The following ERI3 variants were observed in gnomAD, a reference collection of about 807,000 sequenced individuals.
ERI3 encodes ERI1 exoribonuclease 3.
ERI3 carries 18 observed loss-of-function variants against 44.4 expected under a neutral mutation model. The observed-to-expected ratio is 0.41, with a 90% CI of 0.28 to 0.60. ERI3 has a LOEUF of 0.60. Among genes scored for constraint, ERI3 ranks in the 20% least tolerant of loss-of-function variants. ERI3 has a pLI of 0.36. For missense variants in ERI3, 294 were observed against 435.5 expected (o/e 0.68, Z 2.89); for synonymous variants, 183 against 164.8 (o/e 1.11, Z -0.84).
At chr1:44,250,429 A>G (rs750690991) in intron 7 of ERI3, among the ~76,000 whole-genome samples, 1 of 152,178 alleles carries the variant, frequency 6.6e-6, no homozygotes, top group Non-Finnish European at 1.5e-5. Context: ...ACTCCCCAAG[A>G]TCTTCCACAG....
At chr1:44,335,922 C>T (rs564583643) in intron 3 of ERI3, among the ~76,000 whole-genome samples, 1 of 152,250 alleles carries the variant, frequency 6.6e-6, no homozygotes, top group East Asian at 1.9e-4. Flanking sequence ...CATTCTCATC[C>T]CAAATCTCAA....
At position 44,301,485 on chromosome 1, in the gene ERI3, A is replaced by C. The variant is rs536507155; in HGVS notation, c.758+6825T>G. ...CCCTCATTCCTTACCTCAGAGAAGG[A>C]GGCCATGACATAATTTGCCCCTGTA... On this transcript the variant is annotated intron_variant, in intron 6 of 8. Coordinates refer to ENST00000372257, the MANE Select transcript of ERI3 (RefSeq NM_024066.3). Among the ~76,000 whole-genome samples, 5 of 152,324 alleles carry C rather than the reference A, an allele frequency of 3.3e-5. No individual in the cohort carries two copies. The East Asian group carries it at 9.6e-4, about 29-fold the overall frequency.
intron 7 of ERI3, among the ~76,000 whole-genome samples, chr1:44,259,689 G>GACACACACACACAC (rs58901342): frequency 0.09 from 12,554 of 140,186 alleles, 751 homozygotes; most frequent in Admixed American, 0.16. Flanking sequence ...AAAACACACA[G>GACACACACACACAC]ACACACACAC....
intron 8 of ERI3, among the ~76,000 whole-genome samples, chr1:44,238,640 G>T (rs1002807806): frequency 6.6e-6 from 1 of 152,152 alleles, no homozygotes; most frequent in South Asian, 2.1e-4. Flanking sequence ...GAGTGACGGG[G>T]AGGCAGGAAG....
chr1:44,347,101 G>T (rs1054071237), intron 2 of ERI3, among the ~76,000 whole-genome samples: 1 of 152,118 alleles, frequency 6.6e-6, no homozygotes, highest in Admixed American at 6.5e-5. Flanking sequence ...TCTCTACCAC[G>T]TGTGATGGCC....
At chr1:44,328,118 C>T (rs1168449346) in intron 3 of ERI3, among the ~76,000 whole-genome samples, 1 of 152,194 alleles carries the variant, frequency 6.6e-6, no homozygotes, top group Non-Finnish European at 1.5e-5. Context: ...TCTCTGCCCA[C>T]AAATGATGGC....
At chr1:44,292,698 G>A (rs949723811) in intron 6 of ERI3, among the ~76,000 whole-genome samples, 2 of 152,202 alleles carry the variant, frequency 1.3e-5, no homozygotes, top group African/African-American at 4.8e-5. Context: ...CAGCCCTGGG[G>A]GGAATGCACT....
intron 4 of ERI3, among the ~76,000 whole-genome samples, chr1:44,315,112 C>T (rs1439708332): frequency 3.3e-5 from 5 of 152,196 alleles, no homozygotes; most frequent in African/African-American, 1.2e-4. Context: ...AACATCAGGA[C>T]CATCCTGGAA....
At chr1:44,295,903 G>C (rs1266715978) in intron 6 of ERI3, among the ~76,000 whole-genome samples, 3 of 152,180 alleles carry the variant, frequency 2.0e-5, no homozygotes, top group African/African-American at 7.2e-5. Flanking sequence ...GCTTCCTGTA[G>C]CCTGTAAAGG....
rs758538503 is a variant in ERI3 at position 44,221,841 on chromosome 1, C to T, written c.932-201G>A. 8.5e-5 allele frequency among the ~76,000 whole-genome samples: 13 copies of T among 152,112 alleles called. No homozygotes were observed. The highest frequency in any genetic ancestry group is 1.5e-4 in the Non-Finnish European group (10 of 68,036). On this transcript the variant is annotated intron_variant, in intron 8 of 8. Coordinates refer to ENST00000372257, the MANE Select transcript of ERI3 (RefSeq NM_024066.3). The surrounding 1 kb of genome is among the most constrained non-coding windows in gnomAD (Gnocchi z 5.9). ...GCTGGGCCGGCAGGAAGCCTGGTCT[C>T]GATGCTTCTCAGTTCCATAATTCAT...
intron 7 of ERI3, among the ~76,000 whole-genome samples, chr1:44,267,209 T>A (rs1177243943): frequency 7.2e-5 from 11 of 152,136 alleles, no homozygotes; most frequent in Admixed American, 7.2e-4. Flanking sequence ...TTAGGTAAGG[T>A]GGAAACATAA....
intron 5 of ERI3, among the ~76,000 whole-genome samples, chr1:44,310,527 G>T (rs1375831346): frequency 6.6e-6 from 1 of 152,166 alleles, no homozygotes; most frequent in Non-Finnish European, 1.5e-5. Context: ...ACAGTATATA[G>T]AAAGAAAGGA....
chr1:44,302,197 A>G (rs540686262), intron 6 of ERI3, among the ~76,000 whole-genome samples: 9 of 152,332 alleles, frequency 5.9e-5, no homozygotes, highest in African/African-American at 2.2e-4. Flanking sequence ...AGAAGCATTC[A>G]TATCTCTTTC....
intron 7 of ERI3, among the ~76,000 whole-genome samples, chr1:44,269,976 T>A (rs1162511281): frequency 6.6e-6 from 1 of 152,216 alleles, no homozygotes; most frequent in Non-Finnish European, 1.5e-5. Context: ...TGTTCTATTA[T>A]TACTGATAAA....
In ERI3 at chr1:44,235,609, C is replaced by A. The variant is rs1644286744; in HGVS notation, c.931+12330G>T. Among the ~76,000 whole-genome samples, 1 of 152,210 alleles carries A rather than the reference C, an allele frequency of 6.6e-6. No homozygotes were observed. The highest frequency in any genetic ancestry group is 1.5e-5 in the Non-Finnish European group (1 of 68,034). ...ACACGCAAACCTACTCCAGCCCTGACATTTGCCACCCAAAGCCTTGACATG... is the reference window on the plus strand; with the variant it reads ...ACACGCAAACCTACTCCAGCCCTGAAATTTGCCACCCAAAGCCTTGACATG... On this transcript the variant is annotated intron_variant, in intron 8 of 8. Coordinates refer to ENST00000372257, the MANE Select transcript of ERI3 (RefSeq NM_024066.3). The surrounding 1 kb of genome is among the most constrained non-coding windows in gnomAD (Gnocchi z 4.6).
In ERI3 at chr1:44,339,057, C is replaced by G; in HGVS notation, c.477G>C (p.Gln159His). 1 of 1,613,554 alleles carries G rather than the reference C, an allele frequency of 6.2e-7. No individual in the cohort carries two copies. The highest frequency in any genetic ancestry group is 8.5e-7 in the Non-Finnish European group (1 of 1,179,648). Residue 159 changes from glutamine (Q) to histidine (H), a missense_variant, in exon 3 of 9, where the codon CAG becomes CAC. Around this residue, in one of 2 missense-constraint regions of ERI3, gnomAD observed 187 missense variants for 338.6 expected, o/e 0.55. Transcript: ENST00000372257. Reference protein sequence around the residue: ...LDFEATCDKPQIHPQEIIEFP... With the variant: ...LDFEATCDKPHIHPQEIIEFP... Reference sequence around the variant, plus strand: ...ATGGAACAGTTACCTGAGGATGAATCTGTGGCTTGTCGCACGTGGCCTCAA... The same window carrying G: ...ATGGAACAGTTACCTGAGGATGAATGTGTGGCTTGTCGCACGTGGCCTCAA...
intron 6 of ERI3, among the ~76,000 whole-genome samples, chr1:44,295,306 ATAC>A (rs1645588114): frequency 6.6e-6 from 1 of 152,216 alleles, no homozygotes; most frequent in Non-Finnish European, 1.5e-5. Context: ...ACTAAAAAAA[ATAC>A]TACCATTCCA....
At chr1:44,281,663 ACC>A (rs1645290298) in intron 7 of ERI3, among the ~76,000 whole-genome samples, 4 of 148,856 alleles carry the variant, frequency 2.7e-5, no homozygotes, top group South Asian at 2.1e-4. Flanking sequence ...ATATATGTTT[ACC>A]TGTGTGCATG....
chr1:44,308,498 G>A, intron 5 of ERI3, 97 bp from the exon 6 acceptor site: 1 of 950,846 alleles, frequency 1.1e-6, no homozygotes, highest in Non-Finnish European at 1.7e-6. Context: ...CTTGTAATCA[G>A]AACAGGAGAA....
Sources: gnomAD v4.1 joint callset for allele counts (sites outside exome capture counted in the v4.1 genomes callset) on GRCh38, gnomAD v4.1.1 for gene constraint, gnomAD v4.1.1 regional missense constraint, Gnocchi (gnomAD v3.1) non-coding constraint, MANE v1.5 for transcripts, NCBI Gene and HGNC (gene_info 2026-07-23, HGNC 2026-07-21) for gene names.